The following SSBP3 variants were observed in gnomAD, a reference collection of about 807,000 sequenced individuals.
The protein encoded by SSBP3 is single stranded DNA binding protein 3.
In SSBP3, 5 loss-of-function variants were observed where a neutral mutation model predicts 69.6. That is an observed-to-expected ratio of 0.07 (90% CI 0.04 to 0.15). The LOEUF (loss-of-function observed/expected upper bound fraction) is 0.15, where lower values mean the gene tolerates loss of function less well. SSBP3 is among the 10% of genes least tolerant of loss of function. SSBP3 has a pLI of 1.00. For synonymous variants in SSBP3, 196 were observed against 193.4 expected (o/e 1.01, Z -0.11); for missense variants, 312 against 534.0 (o/e 0.58, Z 4.10).
In SSBP3 at chr1:54,242,133, A is replaced by T. The variant is rs201549541; in HGVS notation, c.765+31T>A. ...CTGCACCCAGAACCGCTCCCCTGAC[A>T]AACACCACCCCACCCGACCCAGGTA... On this transcript the variant is annotated intron_variant, in intron 11 of 17. Transcript: ENST00000610401. 561 of 1,611,436 alleles carry T rather than the reference A, an allele frequency of 3.5e-4. 1 individual carries two copies. The African/African-American group carries it at 6.8e-3, about 19-fold the overall frequency.
At chr1:54,410,012 G>A (rs1191753196), upstream of SSBP3, among the ~76,000 whole-genome samples, 1 of 152,180 alleles carries the variant, frequency 6.6e-6, no homozygotes, top group East Asian at 1.9e-4. Flanking sequence ...TTCGGGGCAG[G>A]TGTGCCCTCT....
At chr1:54,394,455 G>C (rs1259487496) in intron 4 of SSBP3, among the ~76,000 whole-genome samples, 1 of 145,736 alleles carries the variant, frequency 6.9e-6, no homozygotes, top group Non-Finnish European at 1.5e-5. Flanking sequence ...TTCTTTTTAA[G>C]CCCACATCTC....
intron 4 of SSBP3, among the ~76,000 whole-genome samples, chr1:54,361,946 A>G (rs1646958353): frequency 6.6e-6 from 1 of 152,226 alleles, no homozygotes; most frequent in South Asian, 2.1e-4. Context: ...GTGCAACCAC[A>G]GAAAGCTCTC....
intron 4 of SSBP3, among the ~76,000 whole-genome samples, chr1:54,326,641 G>A (rs1214791391): frequency 6.6e-6 from 1 of 152,102 alleles, no homozygotes; most frequent in Non-Finnish European, 1.5e-5. Context: ...CCTCATGGCC[G>A]ACCCCAGAGC....
intron 14 of SSBP3, chr1:54,238,694 G>A (rs1644545655): frequency 1.3e-5 from 4 of 311,290 alleles, no homozygotes; most frequent in Non-Finnish European, 2.6e-5. Context: ...GCACAGGCAG[G>A]CGGGTCCCCC....
intron 4 of SSBP3, among the ~76,000 whole-genome samples, chr1:54,338,443 G>A (rs1447088287): frequency 6.6e-6 from 1 of 152,148 alleles, no homozygotes; most frequent in Non-Finnish European, 1.5e-5. Flanking sequence ...ATGAGCACAT[G>A]GCTGCCCGCC....
intron 5 of SSBP3, among the ~76,000 whole-genome samples, chr1:54,278,950 T>C (rs572420500): frequency 4.9e-4 from 74 of 152,334 alleles, no homozygotes; most frequent in Admixed American, 1.1e-3. Flanking sequence ...ACTCCGGAAA[T>C]GGGCAGCCAG....
At chr1:54,285,826 G>T (rs550296672) in intron 4 of SSBP3, among the ~76,000 whole-genome samples, 2 of 152,192 alleles carry the variant, frequency 1.3e-5, no homozygotes, top group African/African-American at 4.8e-5. Flanking sequence ...AGTCCCCCAC[G>T]GAAGAAGAGA....
At chr1:54,323,304 T>TA (rs1445418209) in intron 4 of SSBP3, among the ~76,000 whole-genome samples, 1 of 152,146 alleles carries the variant, frequency 6.6e-6, no homozygotes, top group Non-Finnish European at 1.5e-5. Context: ...ACTTTTACCA[T>TA]AAGTGGGGAG....
intron 14 of SSBP3, among the ~76,000 whole-genome samples, chr1:54,231,107 G>A (rs1182587443): frequency 3.3e-5 from 5 of 152,188 alleles, no homozygotes; most frequent in Non-Finnish European, 1.5e-5. Context: ...CTGATCTTTC[G>A]AGGAAACGTC....
chr1:54,383,849 G>A (rs574266673), intron 4 of SSBP3, among the ~76,000 whole-genome samples: 2 of 152,280 alleles, frequency 1.3e-5, no homozygotes, highest in African/African-American at 4.8e-5. Flanking sequence ...GCTCACGCCT[G>A]TAATCCCAGC....
intron 4 of SSBP3, among the ~76,000 whole-genome samples, chr1:54,394,579 T>A (rs213482): frequency 0.47 from 70,730 of 151,812 alleles, 18,301 homozygotes; most frequent in African/African-American, 0.71. Context: ...GATCAAGGCC[T>A]CAGGGTCACC....
In SSBP3 at chr1:54,281,531, T is replaced by C. The variant is rs1365886567; in HGVS notation, c.277-4A>G. The C allele has an allele frequency of 2.6e-6, 4 of 1,559,270 alleles. No homozygotes were observed. The highest frequency in any genetic ancestry group is 3.8e-5 in the Admixed American group (2 of 52,226). ...GGCTCGGGGCAGCTGCTGCACTCTG[T>C]GGAGACAACAAGGCAGAGAGTTAGT... is the stretch of plus-strand genomic sequence containing the variant. On this transcript the variant is annotated splice_region_variant and splice_polypyrimidine_tract_variant and intron_variant, in intron 4 of 17. Transcript: ENST00000610401.
At position 54,258,372 on chromosome 1, in the gene SSBP3, G is replaced by A. The variant is rs372636920; in HGVS notation, c.367-223C>T. Among the ~76,000 whole-genome samples, 2 of 152,098 alleles carry A rather than the reference G, an allele frequency of 1.3e-5. No individual in the cohort carries two copies. The highest frequency in any genetic ancestry group is 2.9e-5 in the Non-Finnish European group (2 of 68,034). On this transcript the variant is annotated intron_variant, in intron 5 of 17. Coordinates refer to ENST00000610401, the Ensembl canonical transcript of SSBP3. This position sits in a 1 kb window ranked among gnomAD's most constrained non-coding sequence, Gnocchi z 4.5. ...AGAGAAGCTGATAAATACATTCACA[G>A]GGGGTTGAAAGAACAAAAAATGAAG... is the stretch of plus-strand genomic sequence containing the variant.
intron 4 of SSBP3, among the ~76,000 whole-genome samples, chr1:54,333,243 G>C (rs2100467405): frequency 6.6e-6 from 1 of 152,296 alleles, no homozygotes; most frequent in South Asian, 2.1e-4. Context: ...TAACCTCATA[G>C]ACTCTCGGGA....
chr1:54,336,743 C>T (rs188512471), intron 4 of SSBP3, among the ~76,000 whole-genome samples: 2 of 152,210 alleles, frequency 1.3e-5, no homozygotes, highest in South Asian at 2.1e-4. Context: ...AGGGCTTTGG[C>T]GTGCTGCAGC....
In SSBP3 at chr1:54,323,255, C is replaced by A. The variant is rs4927089; in HGVS notation, c.277-41728G>T. On this transcript the variant is annotated intron_variant, in intron 4 of 17. Transcript: ENST00000610401. The stretch of plus-strand genomic sequence containing the variant: ...CCAAATTCTGCTTCCAGGGCTTAAT[C>A]AGTGTTGTAAAGGCCAGAAGATGCA... Among the ~76,000 whole-genome samples the A allele has an allele frequency of 6.9e-3, 1,047 of 152,216 alleles. 33 individuals carry two copies. The highest frequency in any genetic ancestry group is 0.053 in the Admixed American group (804 of 15,306).
At chr1:54,347,753 GC>G (rs1222782288) in intron 4 of SSBP3, among the ~76,000 whole-genome samples, 1 of 152,214 alleles carries the variant, frequency 6.6e-6, no homozygotes, top group Non-Finnish European at 1.5e-5. Flanking sequence ...AGTCCTAGGG[GC>G]CAAGGAATGC....
intron 1 of SSBP3, among the ~76,000 whole-genome samples, chr1:54,405,711 C>T (rs1045444659): frequency 4.0e-5 from 6 of 151,788 alleles, no homozygotes; most frequent in African/African-American, 4.8e-5. Context: ...CCAAGTACCC[C>T]CTCCGGCGGC....
Sources: allele counts gnomAD v4.1 joint callset (sites outside exome capture counted in the v4.1 genomes callset), GRCh38; gene constraint gnomAD v4.1.1; non-coding constraint Gnocchi (gnomAD v3.1); transcripts MANE v1.5; gene names NCBI Gene and HGNC (gene_info 2026-07-23, HGNC 2026-07-21).